The following PHACTR1 variants were observed in gnomAD, a reference collection of about 807,000 sequenced individuals.
PHACTR1 encodes phosphatase and actin regulator 1.
A neutral mutation model predicts 69.2 loss-of-function variants in PHACTR1; 16 were observed. That is an observed-to-expected ratio of 0.23 (90% CI 0.16 to 0.35). PHACTR1 has a LOEUF of 0.35. PHACTR1 is among the 10% of genes least tolerant of loss of function. The pLI is 1.00. For missense variants in PHACTR1, 510 were observed against 734.7 expected (o/e 0.69, Z 3.54); for synonymous variants, 312 against 284.5 (o/e 1.10, Z -0.97).
intron 4 of PHACTR1, among the ~76,000 whole-genome samples, chr6:12,846,261 A>G (rs899167606): frequency 6.6e-6 from 1 of 152,220 alleles, no homozygotes; most frequent in African/African-American, 2.4e-5. Context: ...CAATGAATGG[A>G]TTGATAAATG....
chr6:12,744,955 G>C (rs890594252), intron 3 of PHACTR1, among the ~76,000 whole-genome samples: 3 of 151,948 alleles, frequency 2.0e-5, no homozygotes, highest in Admixed American at 6.6e-5. Flanking sequence ...GATGAGAGTG[G>C]ATAGAGTTGA....
intron 6 of PHACTR1, 129 bp downstream of exon 6, chr6:13,160,413 C>T (rs1758821157): frequency 1.2e-6 from 1 of 819,684 alleles, no homozygotes; most frequent in East Asian, 2.6e-5. Flanking sequence ...AAACTCCAGA[C>T]AGTTCTAGAG....
At chr6:13,074,368 G>A (rs1561792091) in intron 5 of PHACTR1, among the ~76,000 whole-genome samples, 1 of 152,178 alleles carries the variant, frequency 6.6e-6, no homozygotes, top group Non-Finnish European at 1.5e-5. Context: ...ACGACACTCT[G>A]TCAGCTGGTG....
intron 4 of PHACTR1, among the ~76,000 whole-genome samples, chr6:12,837,100 C>T (rs1404697868): frequency 6.6e-6 from 1 of 152,142 alleles, no homozygotes; most frequent in Non-Finnish European, 1.5e-5. Flanking sequence ...ACAAACCCTG[C>T]TGTCTCAGTG....
chr6:12,895,260 C>A (rs1350492848), intron 4 of PHACTR1, among the ~76,000 whole-genome samples: 1 of 148,476 alleles, frequency 6.7e-6, no homozygotes, highest in Non-Finnish European at 1.5e-5. Flanking sequence ...CGGCAAACTG[C>A]AGCCTCTGCC....
intron 4 of PHACTR1, among the ~76,000 whole-genome samples, chr6:12,947,889 A>G (rs1446731689): frequency 1.3e-5 from 2 of 152,254 alleles, no homozygotes; most frequent in African/African-American, 4.8e-5. Context: ...ACATTTGTAT[A>G]TCCTACAGAT....
intron 5 of PHACTR1, among the ~76,000 whole-genome samples, chr6:13,064,580 ATATATATATATATATATATATATATC>A (rs1370494743): frequency 0.048 from 429 of 8,988 alleles, 41 homozygotes; most frequent in Non-Finnish European, 0.071. Flanking sequence ...ATATATATAT[ATATATATATATATATATATATATATC>A]TATATATCTA....
At chr6:12,762,534 AATGCCTGAGGTAGTTTTC>A (rs1425458470) in intron 4 of PHACTR1, among the ~76,000 whole-genome samples, 12 of 152,340 alleles carry the variant, frequency 7.9e-5, no homozygotes, top group African/African-American at 2.6e-4. Context: ...CAAGCTGTAA[AATGCCTGAGGTAGTTTTC>A]TTTTAACCTA....
chr6:12,820,464 G>A (rs887402500), intron 4 of PHACTR1, among the ~76,000 whole-genome samples: 2 of 152,216 alleles, frequency 1.3e-5, no homozygotes, highest in African/African-American at 4.8e-5. Flanking sequence ...ACAGGTGTGA[G>A]CCACCTCACC....
At chr6:12,812,982 G>C (rs1055328423) in intron 4 of PHACTR1, among the ~76,000 whole-genome samples, 1 of 152,200 alleles carries the variant, frequency 6.6e-6, no homozygotes, top group Admixed American at 6.5e-5. Context: ...GGCAGCAACA[G>C]CAGAGGTGGA....
intron 4 of PHACTR1, among the ~76,000 whole-genome samples, chr6:12,810,651 T>A (rs1283685356): frequency 6.6e-6 from 1 of 152,160 alleles, no homozygotes; most frequent in Non-Finnish European, 1.5e-5. Flanking sequence ...ATCCTCCCCA[T>A]AGCCACCAGG....
chr6:12,915,903 A>G (rs914931013), intron 4 of PHACTR1, among the ~76,000 whole-genome samples: 1 of 152,128 alleles, frequency 6.6e-6, no homozygotes, highest in African/African-American at 2.4e-5. Context: ...TTCCAGCCCC[A>G]TACCTGCATG....
intron 5 of PHACTR1, among the ~76,000 whole-genome samples, chr6:13,105,458 A>G (rs913496444): frequency 3.3e-5 from 5 of 152,046 alleles, no homozygotes; most frequent in African/African-American, 1.2e-4. Context: ...CCCAGTTCCA[A>G]AAAGGTTTTT....
intron 7 of PHACTR1, among the ~76,000 whole-genome samples, chr6:13,191,105 C>A (rs1367103928): frequency 6.6e-6 from 1 of 152,196 alleles, no homozygotes; most frequent in Non-Finnish European, 1.5e-5. Flanking sequence ...TCCCAACCCT[C>A]CATGTCCTCC....
chr6:12,748,721 A>C (rs916289932), intron 3 of PHACTR1, among the ~76,000 whole-genome samples: 12 of 152,214 alleles, frequency 7.9e-5, no homozygotes, highest in African/African-American at 2.9e-4. Context: ...TACAAGTCCA[A>C]CCCAAACACT....
At chr6:12,985,498 A>C (rs1206939582) in intron 4 of PHACTR1, among the ~76,000 whole-genome samples, 3 of 148,064 alleles carry the variant, frequency 2.0e-5, no homozygotes, top group Non-Finnish European at 4.4e-5. Flanking sequence ...ACCATACTAC[A>C]TCATCAGAAG....
chr6:12,970,196 GA>G (rs1305481945), intron 4 of PHACTR1, among the ~76,000 whole-genome samples: 3 of 152,170 alleles, frequency 2.0e-5, no homozygotes, highest in African/African-American at 7.2e-5. Flanking sequence ...AAACATTAGA[GA>G]ATGCCTGCCA....
intron 7 of PHACTR1, among the ~76,000 whole-genome samples, chr6:13,186,973 C>T (rs970548366): frequency 6.6e-6 from 1 of 152,148 alleles, no homozygotes; most frequent in Non-Finnish European, 1.5e-5. Flanking sequence ...AGTGACCGAT[C>T]GTCAGGCAGT....
At chr6:13,053,658 T>G in intron 5 of PHACTR1, 129 bp downstream of exon 5, 1 of 1,152,922 alleles carries the variant, frequency 8.7e-7, no homozygotes, top group Non-Finnish European at 1.2e-6. Flanking sequence ...GGAATGGCTC[T>G]TGTCTTTAAA....
Sources: allele counts gnomAD v4.1 joint callset (sites outside exome capture counted in the v4.1 genomes callset), GRCh38; gene constraint gnomAD v4.1.1; transcripts MANE v1.5; gene names NCBI Gene and HGNC (gene_info 2026-07-23, HGNC 2026-07-21).